Variants in RNLS observed in about 807,000 individuals in gnomAD.
The protein encoded by RNLS is renalase, FAD dependent amine oxidase.
Under a neutral mutation model 39.8 loss-of-function variants are expected in RNLS, and 39 were observed. The observed-to-expected ratio is 0.98, with a 90% CI of 0.76 to 1.28. The LOEUF is 1.28. Ranked by LOEUF, RNLS falls within the 50% of genes most tolerant of loss-of-function variation. RNLS has a pLI of 0.00. For synonymous variants in RNLS, 147 were observed against 150.7 expected (o/e 0.98, Z 0.18); for missense variants, 410 against 413.3 (o/e 0.99, Z 0.07).
At chr10:88,263,951 G>A in the RNLS span, among the ~76,000 whole-genome samples, 1 of 152,102 alleles carries the variant, frequency 6.6e-6, no homozygotes, top group Non-Finnish European at 1.5e-5. Flanking sequence ...CCAATGTGTA[G>A]CCTTTTATCC....
At chr10:88,265,323 CTTTT>C in the RNLS span, among the ~76,000 whole-genome samples, 250 of 59,084 alleles carry the variant, frequency 4.2e-3, no homozygotes, top group African/African-American at 0.014. Context: ...CAGGGTTTTT[CTTTT>C]TTTTTTTTTT....
At chr10:88,312,143 T>C (rs1440634425) in intron 6 of RNLS, among the ~76,000 whole-genome samples, 1 of 152,176 alleles carries the variant, frequency 6.6e-6, no homozygotes, top group Admixed American at 6.5e-5. Context: ...AGATTTTAGG[T>C]TGCAGATGGA....
At chr10:88,306,376 G>A (rs1259201214) in intron 6 of RNLS, among the ~76,000 whole-genome samples, 1 of 151,806 alleles carries the variant, frequency 6.6e-6, no homozygotes, top group South Asian at 2.1e-4. Flanking sequence ...TCAAAATATC[G>A]ATGAATTCAG....
intron 4 of RNLS, among the ~76,000 whole-genome samples, chr10:88,463,663 G>A (rs553186674): frequency 2.6e-5 from 4 of 152,014 alleles, no homozygotes; most frequent in Non-Finnish European, 5.9e-5. Context: ...TTGAGAGATT[G>A]CTACTCATTT....
chr10:88,253,694 A>C, the RNLS span, among the ~76,000 whole-genome samples: 2 of 152,324 alleles, frequency 1.3e-5, no homozygotes, highest in African/African-American at 4.8e-5. Context: ...TCTGAATTCC[A>C]AGCCAGGTTT....
At chr10:88,314,687 A>C in intron 5 of RNLS, 46 bp from the exon 6 acceptor site, 1 of 1,546,750 alleles carries the variant, frequency 6.5e-7, no homozygotes, top group Non-Finnish European at 8.8e-7. Flanking sequence ...AGTGGGTAGC[A>C]GGCAAGCATC....
At chr10:88,488,546 C>CAA (rs3033822) in intron 4 of RNLS, among the ~76,000 whole-genome samples, 135 of 78,582 alleles carry the variant, frequency 1.7e-3, no homozygotes, top group Middle Eastern at 7.8e-3. Flanking sequence ...AACTCCGTCT[C>CAA]AAAAAAAAAA....
intron 4 of RNLS, among the ~76,000 whole-genome samples, chr10:88,443,215 A>T (rs1295293526): frequency 6.6e-6 from 1 of 152,054 alleles, no homozygotes; most frequent in East Asian, 1.9e-4. Flanking sequence ...ATGCAATCCA[A>T]TTTTTTACAT....
At chr10:88,395,350 C>CTTTAAA (rs1852494928) in intron 4 of RNLS, among the ~76,000 whole-genome samples, 1 of 150,836 alleles carries the variant, frequency 6.6e-6, no homozygotes, top group East Asian at 2.0e-4. Flanking sequence ...GTCCGAGGAA[C>CTTTAAA]TAAAGACAAG....
chr10:88,442,708 A>G (rs1278177450), intron 4 of RNLS, among the ~76,000 whole-genome samples: 3 of 151,826 alleles, frequency 2.0e-5, no homozygotes, highest in African/African-American at 7.3e-5. Flanking sequence ...TTCTGCCTAC[A>G]CCACGTTCCC....
At chr10:88,219,546 G>A in the RNLS span, among the ~76,000 whole-genome samples, 2 of 151,986 alleles carry the variant, frequency 1.3e-5, no homozygotes, top group Non-Finnish European at 2.9e-5. Context: ...TGTACTTCCC[G>A]GTTTCTACCT....
At chr10:88,462,827 G>GAAA (rs35653600) in intron 4 of RNLS, among the ~76,000 whole-genome samples, 1 of 149,634 alleles carries the variant, frequency 6.7e-6, no homozygotes, top group African/African-American at 2.4e-5. Flanking sequence ...TCCTGCTAAG[G>GAAA]AAAAAAAAAT....
chr10:88,202,053 G>A, the RNLS span, among the ~76,000 whole-genome samples: 4 of 151,964 alleles, frequency 2.6e-5, no homozygotes, highest in Non-Finnish European at 5.9e-5. Flanking sequence ...CAACCCAAAT[G>A]TCCATCAACG....
chr10:88,356,228 A>G (rs1219421923), intron 5 of RNLS, among the ~76,000 whole-genome samples: 1 of 152,052 alleles, frequency 6.6e-6, no homozygotes, highest in Admixed American at 6.6e-5. Context: ...ACCATTCTGC[A>G]CCCACTGTCC....
At chr10:88,439,352 A>G (rs1007976804) in intron 4 of RNLS, among the ~76,000 whole-genome samples, 2 of 152,174 alleles carry the variant, frequency 1.3e-5, no homozygotes, top group Admixed American at 6.5e-5. Flanking sequence ...CCAGGTAAGT[A>G]TATCAGATAG....
intron 6 of RNLS, among the ~76,000 whole-genome samples, chr10:88,310,233 A>C (rs1845258478): frequency 6.6e-6 from 1 of 152,050 alleles, no homozygotes; most frequent in Non-Finnish European, 1.5e-5. Flanking sequence ...TGCGTAAATA[A>C]ATACTTTTTG....
chr10:88,508,603 C>A (rs1845924234), intron 4 of RNLS, among the ~76,000 whole-genome samples: 1 of 152,052 alleles, frequency 6.6e-6, no homozygotes, highest in Non-Finnish European at 1.5e-5. Flanking sequence ...CTGTAGCAGC[C>A]CACAATGAGA....
At chr10:88,348,989 C>T (rs1848496490) in intron 5 of RNLS, among the ~76,000 whole-genome samples, 1 of 152,098 alleles carries the variant, frequency 6.6e-6, no homozygotes, top group African/African-American at 2.4e-5. Context: ...CACCTTACTT[C>T]CTTCAGAATT....
At position 88,310,801 on chromosome 10, in the gene RNLS, C is replaced by CAA. The variant is rs577838661; in HGVS notation, c.876+3663_876+3664dup. On this transcript the variant is annotated intron_variant, in intron 6 of 6. Coordinates refer to ENST00000331772, the MANE Select transcript of RNLS (RefSeq NM_001031709.3). ...TGACAGATTTAGAGCCTACCTCTGC[C>CAA]AAAAAAAAAAAAAAAAAAAAAAAAA... 1.7e-3 allele frequency among the ~76,000 whole-genome samples: 34 copies of CAA among 19,574 alleles called. 1 individual carries two copies. Among genetic ancestry groups the CAA allele is most frequent in the African/African-American group, 3.2e-3 (16 of 5,004 alleles). The allele number at this position is 19,574 out of a possible 152,430, so 12.8% of individuals were successfully genotyped here. A position where few individuals can be genotyped will look rare whatever the true frequency, so the allele number is the denominator to read the frequency against.
Sources: allele counts gnomAD v4.1 joint callset (sites outside exome capture counted in the v4.1 genomes callset), GRCh38; gene constraint gnomAD v4.1.1; transcripts MANE v1.5; gene names NCBI Gene and HGNC (gene_info 2026-07-23, HGNC 2026-07-21).